Variants in TSPOAP1 observed in about 807,000 individuals in gnomAD.
TSPOAP1 encodes the protein peripheral-type benzodiazepine receptor-associated protein 1.
In TSPOAP1, 87 loss-of-function variants were observed where a neutral mutation model predicts 197.0. The observed-to-expected ratio is 0.44, with a 90% CI of 0.37 to 0.53. The LOEUF (loss-of-function observed/expected upper bound fraction) is 0.53, where lower values mean the gene tolerates loss of function less well. TSPOAP1 is among the 20% of genes least tolerant of loss of function. The pLI is 0.00. For synonymous variants in TSPOAP1, 913 were observed against 998.9 expected, an observed-to-expected ratio of 0.91 and a Z score of 1.62; for missense variants, 2,174 against 2,411.3, an observed-to-expected ratio of 0.90 and a Z score of 2.06.
At position 58,312,016 on chromosome 17, in the gene TSPOAP1, T is replaced by C; in HGVS notation, c.2805A>G (p.Leu935=). The C allele has an allele frequency of 6.2e-7, 1 of 1,613,378 alleles. No individual in the cohort carries two copies. The highest frequency in any genetic ancestry group is 1.1e-5 in the South Asian group (1 of 91,080). ...PSTYWATFCH[L]RPGTPYQAQV... is the part of the protein sequence containing the mutation. ...GGGCCTGATAGGGTGTGCCAGGCCG[T>C]AAGTGGCAGAAGGTGGCCCAGTAGG... The change falls in exon 17 of 32, where the codon TTA becomes TTG. Residue 935 remains leucine, a synonymous_variant. Coordinates refer to ENST00000343736, the MANE Select transcript of TSPOAP1 (RefSeq NM_004758.4).
chr17:58,316,666 C>A (rs1309227664), intron 14 of TSPOAP1, 126 bp from the exon 15 acceptor site: 2 of 678,304 alleles, frequency 2.9e-6, no homozygotes, highest in Non-Finnish European at 4.9e-6. Flanking sequence ...ATACATGCTG[C>A]ACAGGAGCAG....
rs1318053735 is a variant in TSPOAP1, at chr17:58,306,404, G to C, written c.5162C>G (p.Pro1721Arg). Residue 1721 changes from proline (P) to arginine (R), a missense_variant, in exon 26 of 32, where the codon CCG becomes CGG. Pro to Arg is a moderately radical substitution (Grantham distance 103, BLOSUM62 -2). This residue lies in a region of TSPOAP1 where 161 missense variants were observed against 159.1 expected (regional missense o/e 1.01). Transcript: ENST00000343736. Reference protein sequence around the residue: ...DILLEGSGNGPFVYSTAHTTG... With the variant: ...DILLEGSGNGRFVYSTAHTTG... ...TGTGTGGGCTGTGGAGTACACAAAC[G>C]GACCATTCCCTGATCCAGAAAAGCA... is the stretch of plus-strand genomic sequence containing the variant. 1 of 1,555,178 alleles carries C rather than the reference G, an allele frequency of 6.4e-7. No individual in the cohort carries two copies. The highest frequency in any genetic ancestry group is 1.9e-5 in the Admixed American group (1 of 51,596).
chr17:58,308,710 T>C lies in TSPOAP1; in HGVS notation c.4562A>G (p.Tyr1521Cys), dbSNP rs553632523. The C allele has an allele frequency of 2.9e-5, 47 of 1,612,908 alleles. No individual in the cohort carries two copies. In the South Asian group the frequency reaches 4.8e-4, roughly 17 times the overall value. ...SGGISITSSC[Y>C]PGDGEAWGTA... The stretch of plus-strand genomic sequence containing the variant: ...GCCCCAGGCCTCCCCATCTCCAGGG[T>C]AGCAGGAGCTGGTGATGCTGATGCC... Residue 1521 changes from tyrosine to cysteine, a missense_variant, in exon 22 of 32, where the codon TAC becomes TGC. By Grantham distance (194) the Tyr-to-Cys change is radical (BLOSUM62 -2). Around this residue, in one of 5 missense-constraint regions of TSPOAP1, gnomAD observed 1,933 missense variants for 2,139.0 expected, o/e 0.90. Transcript: ENST00000343736.
chr17:58,319,033 C>G, intron 13 of TSPOAP1, 57 bp downstream of exon 13: 1 of 1,440,204 alleles, frequency 6.9e-7, no homozygotes, highest in South Asian at 1.5e-5. Flanking sequence ...ACTCCCTGCT[C>G]TATCCAAAAG....
chr17:58,324,870 GCCAGGACGGCGGGAGCGGGAGCGTCT>G lies in TSPOAP1; in HGVS notation c.857_882del (p.Glu286AlafsTer72). 1 of 1,531,298 alleles carries G rather than the reference GCCAGGACGGCGGGAGCGGGAGCGTCT, an allele frequency of 6.5e-7. No homozygotes were observed. The highest frequency in any genetic ancestry group is 1.2e-5 in the South Asian group (1 of 83,738). 94.9% of individuals were successfully genotyped at this position (1,531,298 alleles called of 1,614,324 possible). A position where few individuals can be genotyped will look rare whatever the true frequency, so the allele number is the denominator to read the frequency against. On this transcript the variant is annotated frameshift_variant, in exon 5 of 32. Coordinates refer to ENST00000343736, the MANE Select transcript of TSPOAP1 (RefSeq NM_004758.4). LOFTEE classifies it high-confidence loss of function. The surrounding 1 kb of genome is among the most constrained non-coding windows in gnomAD (Gnocchi z 5.8). ...CTGGCCTGGAGAGCAGGGCCCGGGGGCCAGGACGGCGGGAGCGGGAGCGTCTCCCGCTGGTTGCGCAGCGCGATCTG... is the reference window on the plus strand; with the variant it reads ...CTGGCCTGGAGAGCAGGGCCCGGGGGCCCGCTGGTTGCGCAGCGCGATCTG...
rs147151306 is a variant in TSPOAP1 at position 58,309,171 on chromosome 17, C to T, written c.4101G>A (p.Leu1367=). 1.2e-6 allele frequency: 2 copies of T among 1,614,040 alleles called. No individual in the cohort carries two copies. The highest frequency in any genetic ancestry group is 4.5e-5 in the East Asian group (2 of 44,884). ...PGPPEPALLG[L]GCDSGQPRRP... ...TTCGGGGCTGACCACTGTCACAGCC[C>T]AGCCCCAGCAATGCAGGTTCAGGCG... The change falls in exon 22 of 32, where the codon CTG becomes CTA. Residue 1367 remains leucine, a synonymous_variant. Transcript: ENST00000343736. This position sits in a 1 kb window ranked among gnomAD's most constrained non-coding sequence, Gnocchi z 5.0.
At position 58,302,086 on chromosome 17, in the gene TSPOAP1, T is replaced by C. The variant is rs1970735600; in HGVS notation, c.*394A>G. 6.9e-6 allele frequency: 3 copies of C among 433,810 alleles called. No homozygotes were observed. Among genetic ancestry groups the C allele is most frequent in the Non-Finnish European group, 1.2e-5 (3 of 258,744 alleles). 26.9% of individuals were successfully genotyped at this position (433,810 alleles called of 1,614,324 possible). ...AGGAGGAAGGTGCTTCTCTAGAGAG[T>C]TCATCCTTAAGGAGCCATTTAGCTC... On this transcript the variant is annotated 3_prime_UTR_variant, in exon 32 of 32. Coordinates refer to ENST00000343736, the MANE Select transcript of TSPOAP1 (RefSeq NM_004758.4).
chr17:58,324,446 G>C lies in TSPOAP1; in HGVS notation c.942+365C>G, dbSNP rs1971503898. Among the ~76,000 whole-genome samples the C allele has an allele frequency of 6.6e-6, 1 of 151,912 alleles. No homozygotes were observed. Among genetic ancestry groups the C allele is most frequent in the Admixed American group, 6.5e-5 (1 of 15,268 alleles). ...GGCGGGCGCTGACGGGGGCGTCCCC[G>C]CTCTACGGCGGCGGCGGGAGGAGGC... On this transcript the variant is annotated intron_variant, in intron 5 of 31. Transcript: ENST00000343736. This position sits in a 1 kb window ranked among gnomAD's most constrained non-coding sequence, Gnocchi z 5.8.
chr17:58,304,462 C>G lies in TSPOAP1; in HGVS notation c.5545-63G>C. 1 of 1,436,266 alleles carries G rather than the reference C, an allele frequency of 7.0e-7. No homozygotes were observed. The allele number at this position is 1,436,266 out of a possible 1,614,324, so 89.0% of individuals were successfully genotyped here. A position where few individuals can be genotyped will look rare whatever the true frequency, so the allele number is the denominator to read the frequency against. On this transcript the variant is annotated intron_variant, in intron 30 of 31. Transcript: ENST00000343736. This position sits in a 1 kb window ranked among gnomAD's most constrained non-coding sequence, Gnocchi z 4.2. ...ACAGACCCGCACCTTCTCCGCCCGG[C>G]CACCAGGTGGCCCTGCGCAGGGGTG...
rs545523730 is a variant in TSPOAP1 at position 58,317,486 on chromosome 17, G to A, written c.1872+794C>T. Among the ~76,000 whole-genome samples the A allele has an allele frequency of 2.6e-5, 4 of 152,328 alleles. No individual in the cohort carries two copies. The South Asian group carries it at 8.3e-4, about 32-fold the overall frequency. On this transcript the variant is annotated intron_variant, in intron 14 of 31. Coordinates refer to ENST00000343736, the MANE Select transcript of TSPOAP1 (RefSeq NM_004758.4). ...GGGAACAGGCTGTCTTCTCTTCTCTGCCAATGCCTGGGAGAAGGGGACCAA... is the reference window on the plus strand; with the variant it reads ...GGGAACAGGCTGTCTTCTCTTCTCTACCAATGCCTGGGAGAAGGGGACCAA...
Position 58,318,271 on chromosome 17 carries a change from A to G in TSPOAP1, c.1872+9T>C. ...AAGCCAGAACTTCAGGCCCCACCCC[A>G]GCAATTACCTCAGGTGTAGGGCATG... On this transcript the variant is annotated intron_variant, in intron 14 of 31. Coordinates refer to ENST00000343736, the MANE Select transcript of TSPOAP1 (RefSeq NM_004758.4). 1 of 1,613,734 alleles carries G rather than the reference A, an allele frequency of 6.2e-7. No individual in the cohort carries two copies. Among genetic ancestry groups the G allele is most frequent in the Non-Finnish European group, 8.5e-7 (1 of 1,179,654 alleles).
chr17:58,316,566 T>C, intron 14 of TSPOAP1, 26 bp from the exon 15 acceptor site: 1 of 1,585,486 alleles, frequency 6.3e-7, no homozygotes, highest in East Asian at 2.2e-5. Flanking sequence ...AAGGGCTGGT[T>C]TCTCTTCAGG....
rs1320393729 is a variant in TSPOAP1 at position 58,311,612 on chromosome 17, C to T, written c.3040G>A (p.Val1014Ile). Reference protein sequence around the residue: ...TIDAAGTSNGVRVTGYAIYAD... With the variant: ...TIDAAGTSNGIRVTGYAIYAD... The stretch of plus-strand genomic sequence containing the variant: ...TAGATGGCATAGCCTGTGACCCGGA[C>T]ACCGTTGGATGTGCCAGCAGCATCG... Residue 1014 changes from valine (V) to isoleucine (I), a missense_variant, in exon 18 of 32, where the codon GTC becomes ATC. By Grantham distance (29) the Val-to-Ile change is conservative (BLOSUM62 3). Transcript: ENST00000343736. 1 of 1,607,486 alleles carries T rather than the reference C, an allele frequency of 6.2e-7. No individual in the cohort carries two copies. The highest frequency in any genetic ancestry group is 8.5e-7 in the Non-Finnish European group (1 of 1,175,786).
At position 58,309,834 on chromosome 17, in the gene TSPOAP1, T is replaced by C. The variant is rs1343759681; in HGVS notation, c.3891+133A>G. 5.7e-6 allele frequency: 7 copies of C among 1,234,286 alleles called. No homozygotes were observed. The highest frequency in any genetic ancestry group is 4.5e-5 in the Admixed American group (2 of 43,984). The allele number at this position is 1,234,286 out of a possible 1,614,324, so 76.5% of individuals were successfully genotyped here. A position where few individuals can be genotyped will look rare whatever the true frequency, so the allele number is the denominator to read the frequency against. On this transcript the variant is annotated intron_variant, in intron 21 of 31. Coordinates refer to ENST00000343736, the MANE Select transcript of TSPOAP1 (RefSeq NM_004758.4). This position sits in a 1 kb window ranked among gnomAD's most constrained non-coding sequence, Gnocchi z 5.0. ...TCCTGGGGCACTTCCTATCTTCTGC[T>C]TAGGACAGGGCCCAGGCCACAGACC...
rs1352986780 is a variant in TSPOAP1, at chr17:58,318,471, G to C, written c.1700-19C>G. The stretch of plus-strand genomic sequence containing the variant: ...TCAAGGTCTAAAGAGAAGATGGCAC[G>C]TGGGCTTGGGGTCTGTGGCCTGAGG... On this transcript the variant is annotated intron_variant, in intron 13 of 31. Coordinates refer to ENST00000343736, the MANE Select transcript of TSPOAP1 (RefSeq NM_004758.4). 5.0e-6 allele frequency: 8 copies of C among 1,604,024 alleles called. No homozygotes were observed. Among genetic ancestry groups the C allele is most frequent in the Non-Finnish European group, 6.8e-6 (8 of 1,175,958 alleles).
rs1212426207 is a variant in TSPOAP1 at position 58,310,991 on chromosome 17, G to A, written c.3304C>T (p.Leu1102Phe). The A allele has an allele frequency of 2.5e-6, 4 of 1,597,524 alleles. No individual in the cohort carries two copies. Among genetic ancestry groups the A allele is most frequent in the Non-Finnish European group, 2.6e-6 (3 of 1,172,154 alleles). ...CCAGGCCCTGGGGAGGCTGAAGCAAGGGGCGCTCTGGCCTCTGGGCTTGGG... is the reference window on the plus strand; with the variant it reads ...CCAGGCCCTGGGGAGGCTGAAGCAAAGGGCGCTCTGGCCTCTGGGCTTGGG... ...PHPSPEARAP[L>F]ASASPGPGDP... The change falls in exon 19 of 32, where the codon CTT (leucine) becomes TTT (phenylalanine). Residue 1102 changes from leucine (L) to phenylalanine (F), a missense_variant. Coordinates refer to ENST00000343736, the MANE Select transcript of TSPOAP1 (RefSeq NM_004758.4).
At chr17:58,305,482 TC>T in intron 28 of TSPOAP1, 24 bp from the exon 29 acceptor site, 2 of 1,613,666 alleles carry the variant, frequency 1.2e-6, no homozygotes, top group Non-Finnish European at 1.7e-6. Context: ...GAGGAGGGCA[TC>T]AGGCCCAGGA....
intron 10 of TSPOAP1, among the ~76,000 whole-genome samples, chr17:58,321,068 C>T (rs1173531204): frequency 6.6e-6 from 1 of 152,150 alleles, no homozygotes; most frequent in African/African-American, 2.4e-5. Context: ...CCCATAACCC[C>T]AGGCTCATGT....
At chr17:58,318,185 C>A in intron 14 of TSPOAP1, 95 bp downstream of exon 14, 1 of 1,436,214 alleles carries the variant, frequency 7.0e-7, no homozygotes, top group Non-Finnish European at 9.4e-7. Flanking sequence ...AAGTTGCCAC[C>A]CAACTCCTGG....
Sources: gnomAD v4.1 joint callset for allele counts (sites outside exome capture counted in the v4.1 genomes callset) on GRCh38, gnomAD v4.1.1 for gene constraint, gnomAD v4.1.1 regional missense constraint, Gnocchi (gnomAD v3.1) non-coding constraint, MANE v1.5 for transcripts, NCBI Gene and HGNC (gene_info 2026-07-23, HGNC 2026-07-21) for gene names.